CPNE4: variants seen among roughly 807,000 people sequenced by gnomAD.
CPNE4 encodes copine 4.
In CPNE4, 25 loss-of-function variants were observed where a neutral mutation model predicts 67.9. That is an observed-to-expected ratio of 0.37 (90% confidence interval 0.27 to 0.51). CPNE4 has a LOEUF of 0.51. Ranked by LOEUF, CPNE4 falls within the 20% of genes least tolerant of loss-of-function variation. The probability of loss-of-function intolerance (pLI) is 0.93; values close to 1 mark genes in which losing one functional copy is unlikely to be tolerated. For missense variants in CPNE4, 464 were observed against 690.8 expected, an observed-to-expected ratio of 0.67 and a Z score of 3.68; for synonymous variants, 242 against 244.9, an observed-to-expected ratio of 0.99 and a Z score of 0.11.
chr3:131,712,497 T>C (rs2081584210), intron 3 of CPNE4, among the ~76,000 whole-genome samples: 3 of 152,260 alleles, frequency 2.0e-5, no homozygotes, highest in Non-Finnish European at 2.9e-5. Flanking sequence ...TCATAAGCAG[T>C]CTAAACCAAC....
intron 1 of CPNE4, among the ~76,000 whole-genome samples, chr3:131,958,786 G>A (rs1445438358): frequency 6.6e-6 from 1 of 151,350 alleles, no homozygotes; most frequent in Non-Finnish European, 1.5e-5. Context: ...AGCCTCTTGA[G>A]TAACTGGGAT....
intron 7 of CPNE4, among the ~76,000 whole-genome samples, chr3:131,638,412 T>C (rs1457861869): frequency 6.6e-6 from 1 of 151,816 alleles, no homozygotes; most frequent in Non-Finnish European, 1.5e-5. Flanking sequence ...CAGCAGCAGT[T>C]AAAAAAGACA....
intron 1 of CPNE4, among the ~76,000 whole-genome samples, chr3:131,995,987 G>T (rs923556945): frequency 6.6e-6 from 1 of 152,112 alleles, no homozygotes; most frequent in Non-Finnish European, 1.5e-5. Context: ...GGACTCCATG[G>T]CTCATGCTAC....
intron 1 of CPNE4, among the ~76,000 whole-genome samples, chr3:131,919,744 T>C (rs186950714): frequency 4.1e-4 from 63 of 152,316 alleles, no homozygotes; most frequent in African/African-American, 1.5e-3. Context: ...TAATATGTTA[T>C]TGATCATGAA....
intron 1 of CPNE4, among the ~76,000 whole-genome samples, chr3:131,906,283 A>G (rs1018593343): frequency 6.6e-6 from 1 of 151,310 alleles, no homozygotes; most frequent in African/African-American, 2.4e-5. Flanking sequence ...TTTAAGTTTT[A>G]GGGTACATGG....
At chr3:131,677,232 A>AT (rs1318608431) in intron 6 of CPNE4, among the ~76,000 whole-genome samples, 9 of 150,672 alleles carry the variant, frequency 6.0e-5, no homozygotes, top group African/African-American at 1.5e-4. Flanking sequence ...TTATTTATTT[A>AT]TTATTATTAT....
At chr3:131,952,219 C>T (rs1029321986) in intron 1 of CPNE4, among the ~76,000 whole-genome samples, 38 of 150,992 alleles carry the variant, frequency 2.5e-4, no homozygotes, top group African/African-American at 1.9e-4. Context: ...CCCGCCGCCC[C>T]GTCTGGGATG....
intron 1 of CPNE4, among the ~76,000 whole-genome samples, chr3:131,912,175 T>C (rs1452857689): frequency 6.6e-6 from 1 of 152,210 alleles, no homozygotes. Context: ...AAACAAATTA[T>C]AATTGTCCTT....
At chr3:131,904,194 T>C (rs532355707) in intron 2 of CPNE4, among the ~76,000 whole-genome samples, 3 of 152,252 alleles carry the variant, frequency 2.0e-5, no homozygotes, top group Admixed American at 2.0e-4. Context: ...GGGGGATGTC[T>C]GAATGTGGTT....
chr3:132,014,318 C>A (rs1237676888), intron 1 of CPNE4, among the ~76,000 whole-genome samples: 6 of 152,072 alleles, frequency 3.9e-5, no homozygotes, highest in African/African-American at 1.4e-4. Context: ...CTACTCCTCC[C>A]CCCGAATGCT....
chr3:132,013,324 G>A (rs2073817229), intron 1 of CPNE4, among the ~76,000 whole-genome samples: 1 of 152,158 alleles, frequency 6.6e-6, no homozygotes, highest in Non-Finnish European at 1.5e-5. Flanking sequence ...TGTTTTTGTT[G>A]TTGTTGTTTT....
chr3:131,990,113 A>T lies in CPNE4; in HGVS notation c.-2+44454T>A, dbSNP rs1263120563. 5.1e-5 allele frequency among the ~76,000 whole-genome samples: 7 copies of T among 137,072 alleles called. 2 individuals carry two copies. In the Admixed American group the frequency reaches 5.7e-4, roughly 11 times the overall value. The allele number at this position is 137,072 out of a possible 152,430, so 89.9% of individuals were successfully genotyped here. ...ACTTTGTAAAACAGAAGAGACATTT[A>T]AAATAATGTATCTTCATTTATCATT... is the stretch of plus-strand genomic sequence containing the variant. On this transcript the variant is annotated intron_variant, in intron 1 of 15. Transcript: ENST00000429747.
chr3:131,905,384 G>C lies in CPNE4; in HGVS notation c.60C>G (p.Ser20Arg). ...GCAGCTCAACTTTGGTCAGGCAGGG[G>C]CTGTTAAAGATTCCCAGTGTGTTGG... is the stretch of plus-strand genomic sequence containing the variant. ...SAANTLGIFNSPCLTKVELRV... is the reference protein window; with the variant it reads ...SAANTLGIFNRPCLTKVELRV... The change falls in exon 2 of 16, where the codon AGC becomes AGG. Residue 20 changes from serine to arginine, a missense_variant. Ser to Arg is a moderately radical substitution (Grantham distance 110, BLOSUM62 -1). This residue lies in a region of CPNE4 where 170 missense variants were observed against 203.3 expected (regional missense o/e 0.84). Coordinates refer to ENST00000429747, the MANE Select transcript of CPNE4 (RefSeq NM_130808.3). The C allele has an allele frequency of 6.2e-7, 1 of 1,613,518 alleles. No homozygotes were observed. Among genetic ancestry groups the C allele is most frequent in the Non-Finnish European group, 8.5e-7 (1 of 1,179,686 alleles).
intron 2 of CPNE4, among the ~76,000 whole-genome samples, chr3:131,878,940 G>A (rs917808244): frequency 3.3e-5 from 5 of 152,204 alleles, no homozygotes; most frequent in Admixed American, 2.0e-4. Flanking sequence ...CACTTACCTT[G>A]CCCTACCCTT....
At chr3:131,730,203 T>A (rs532592066) in intron 2 of CPNE4, among the ~76,000 whole-genome samples, 5 of 152,346 alleles carry the variant, frequency 3.3e-5, no homozygotes, top group African/African-American at 1.2e-4. Flanking sequence ...TATTGTTTAA[T>A]TGGAATATCT....
At chr3:131,595,718 C>A (rs1252857435) in intron 7 of CPNE4, among the ~76,000 whole-genome samples, 1 of 152,124 alleles carries the variant, frequency 6.6e-6, no homozygotes, top group Non-Finnish European at 1.5e-5. Context: ...AAGAAGGGCA[C>A]CAAGCTATTC....
At chr3:131,931,313 C>T (rs1460298248) in intron 1 of CPNE4, among the ~76,000 whole-genome samples, 1 of 152,108 alleles carries the variant, frequency 6.6e-6, no homozygotes, top group East Asian at 1.9e-4. Context: ...TTGGTAAACC[C>T]ATTTTATTAA....
chr3:131,772,958 A>G (rs1304049709), intron 2 of CPNE4, among the ~76,000 whole-genome samples: 1 of 152,088 alleles, frequency 6.6e-6, no homozygotes, highest in Non-Finnish European at 1.5e-5. Flanking sequence ...CGAATCCAAA[A>G]ATCTATTTAA....
intron 2 of CPNE4, among the ~76,000 whole-genome samples, chr3:131,858,308 G>T (rs1341378879): frequency 6.6e-6 from 1 of 151,994 alleles, no homozygotes; most frequent in Non-Finnish European, 1.5e-5. Flanking sequence ...AGTTGAGTTG[G>T]TTTTCTCCTT....
Sources: gnomAD v4.1 joint callset for allele counts (sites outside exome capture counted in the v4.1 genomes callset) on GRCh38, gnomAD v4.1.1 for gene constraint, gnomAD v4.1.1 regional missense constraint, MANE v1.5 for transcripts, NCBI Gene and HGNC (gene_info 2026-07-23, HGNC 2026-07-21) for gene names.